The following TAFA4 variants were observed in gnomAD, a reference collection of about 807,000 sequenced individuals.
TAFA4 encodes the protein TAFA chemokine like family member 4.
A neutral mutation model predicts 21.1 loss-of-function variants in TAFA4; 20 were observed. The ratio of observed to expected loss-of-function variants is 0.95; its 90% CI spans 0.67 to 1.38. The LOEUF is 1.38. Among genes scored for constraint, TAFA4 ranks in the 40% most tolerant of loss-of-function variants. The pLI is 0.00. For synonymous variants in TAFA4, 71 were observed against 67.4 expected (o/e 1.05, Z -0.26); for missense variants, 211 against 180.9 (o/e 1.17, Z -0.95).
chr3:68,910,281 A>T (rs2089948688), intron 1 of TAFA4, among the ~76,000 whole-genome samples: 1 of 152,222 alleles, frequency 6.6e-6, no homozygotes. Context: ...TGGGGATCAT[A>T]GGGGCCCACC....
chr3:68,898,156 C>A (rs750833061), intron 1 of TAFA4, among the ~76,000 whole-genome samples: 4 of 152,136 alleles, frequency 2.6e-5, no homozygotes, highest in Non-Finnish European at 5.9e-5. Context: ...CATTTTATAG[C>A]TTGAGCAAAG....
At chr3:68,753,076 C>T (rs1702588870) in intron 3 of TAFA4, 58 bp from the exon 4 acceptor site, 3 of 1,521,708 alleles carry the variant, frequency 2.0e-6, no homozygotes, top group South Asian at 1.2e-5. Context: ...AATGACACCA[C>T]CAAAACCAAA....
rs1559567887 is a variant in TAFA4 at position 68,932,526 on chromosome 3, G to GCGGCGCGCCCCGTCCAGA, written c.-410_-409insTCTGGACGGGGCGCGCCG. ...CGCGCAGTCGGTGCGCCCCGTCCAG[G>GCGGCGCGCCCCGTCCAGA]GCGGCGCGCAGCTAGCAGTGCGGAG... is the stretch of plus-strand genomic sequence containing the variant. On this transcript the variant is annotated 5_prime_UTR_variant, in exon 1 of 6. Transcript: ENST00000295569. The GCGGCGCGCCCCGTCCAGA allele has an allele frequency of 6.6e-6, 1 of 152,114 alleles. No individual in the cohort carries two copies. Among genetic ancestry groups the GCGGCGCGCCCCGTCCAGA allele is most frequent in the Non-Finnish European group, 1.5e-5 (1 of 68,036 alleles). 9.4% of individuals were successfully genotyped at this position (152,114 alleles called of 1,614,324 possible). A position where few individuals can be genotyped will look rare whatever the true frequency, so the allele number is the denominator to read the frequency against.
At chr3:68,860,652 T>G (rs368279670) in intron 3 of TAFA4, among the ~76,000 whole-genome samples, 79 of 152,302 alleles carry the variant, frequency 5.2e-4, no homozygotes, top group African/African-American at 1.9e-3. Flanking sequence ...GTATTGCTAC[T>G]GGGTTGCAGT....
At chr3:68,831,443 T>C (rs1406731943) in intron 3 of TAFA4, among the ~76,000 whole-genome samples, 3 of 152,328 alleles carry the variant, frequency 2.0e-5, no homozygotes, top group Non-Finnish European at 2.9e-5. Flanking sequence ...CCTTCACTTA[T>C]GAAGCTTAGT....
chr3:68,904,411 G>T (rs1279160089), intron 1 of TAFA4, among the ~76,000 whole-genome samples: 1 of 152,198 alleles, frequency 6.6e-6, no homozygotes, highest in Non-Finnish European at 1.5e-5. Context: ...TAGGATGACA[G>T]GTGTCAGAAG....
intron 3 of TAFA4, among the ~76,000 whole-genome samples, chr3:68,817,307 T>C (rs1196015878): frequency 2.0e-5 from 3 of 152,190 alleles, no homozygotes; most frequent in Non-Finnish European, 4.4e-5. Context: ...AGAAATTCAG[T>C]AACATCTTCA....
At chr3:68,896,566 A>G (rs73110528) in intron 1 of TAFA4, among the ~76,000 whole-genome samples, 30,030 of 152,210 alleles carry the variant, frequency 0.2, 3,612 homozygotes, top group East Asian at 0.5. Context: ...TCTAGAGCTG[A>G]TGTCTGTCTC....
At chr3:68,735,425 A>T (rs968464163) in intron 5 of TAFA4, among the ~76,000 whole-genome samples, 4 of 152,150 alleles carry the variant, frequency 2.6e-5, no homozygotes, top group Admixed American at 1.3e-4. Flanking sequence ...GAGCTCAGTT[A>T]GACTAATGGT....
At chr3:68,738,546 A>G (rs144335880) in intron 5 of TAFA4, among the ~76,000 whole-genome samples, 2 of 152,320 alleles carry the variant, frequency 1.3e-5, no homozygotes, top group African/African-American at 4.8e-5. Context: ...CCTAAGGACA[A>G]TGTAACCAAC....
At chr3:68,792,181 A>C (rs368841254) in intron 3 of TAFA4, among the ~76,000 whole-genome samples, 1 of 152,216 alleles carries the variant, frequency 6.6e-6, no homozygotes, top group East Asian at 1.9e-4. Context: ...CTAATACCAT[A>C]TTATTAAGTA....
chr3:68,890,413 A>G (rs1296931838), intron 1 of TAFA4, among the ~76,000 whole-genome samples: 1 of 152,186 alleles, frequency 6.6e-6, no homozygotes, highest in Non-Finnish European at 1.5e-5. Context: ...CTTATTGCCA[A>G]TTCTAAGCAA....
chr3:68,824,448 A>C (rs987322833), intron 3 of TAFA4, among the ~76,000 whole-genome samples: 129 of 144,082 alleles, frequency 9.0e-4, no homozygotes, highest in Non-Finnish European at 1.1e-3. Context: ...TTCCATCATC[A>C]TATCTCCTCT....
chr3:68,783,742 A>AAAGAAAGT (rs1703197719), intron 3 of TAFA4, among the ~76,000 whole-genome samples: 1 of 123,428 alleles, frequency 8.1e-6, no homozygotes, highest in East Asian at 2.0e-4. Flanking sequence ...AGAAAGAAAG[A>AAAGAAAGT]AAGTAAGAAA....
intron 3 of TAFA4, among the ~76,000 whole-genome samples, chr3:68,796,409 G>GTA (rs1703454455): frequency 6.6e-6 from 1 of 152,076 alleles, no homozygotes; most frequent in East Asian, 1.9e-4. Flanking sequence ...AAGACACAGT[G>GTA]CAACTATAAA....
chr3:68,887,310 G>C (rs552966844), intron 1 of TAFA4, among the ~76,000 whole-genome samples: 1 of 152,224 alleles, frequency 6.6e-6, no homozygotes. Context: ...TGCTACAGCA[G>C]GAATTAGGTT....
chr3:68,865,446 T>C (rs930637752), intron 3 of TAFA4, among the ~76,000 whole-genome samples: 3 of 151,960 alleles, frequency 2.0e-5, no homozygotes, highest in Admixed American at 6.6e-5. Context: ...GTTTTCACAA[T>C]AGTGAGTAAG....
At chr3:68,784,394 T>C (rs1703209847) in intron 3 of TAFA4, among the ~76,000 whole-genome samples, 1 of 151,956 alleles carries the variant, frequency 6.6e-6, no homozygotes, top group Non-Finnish European at 1.5e-5. Flanking sequence ...TTCTGATGTT[T>C]GGATGTGTTT....
At chr3:68,870,618 G>A (rs1245994782) in intron 3 of TAFA4, among the ~76,000 whole-genome samples, 1 of 151,972 alleles carries the variant, frequency 6.6e-6, no homozygotes, top group African/African-American at 2.4e-5. Context: ...TGTGCAGAAT[G>A]TGCAGGTTTG....
Sources: allele counts gnomAD v4.1 joint callset (sites outside exome capture counted in the v4.1 genomes callset), GRCh38; gene constraint gnomAD v4.1.1; transcripts MANE v1.5; gene names NCBI Gene and HGNC (gene_info 2026-07-23, HGNC 2026-07-21).